PDE7B: variants seen among roughly 807,000 people sequenced by gnomAD.
PDE7B encodes phosphodiesterase 7B.
PDE7B carries 29 observed loss-of-function variants against 56.2 expected under a neutral mutation model. The observed-to-expected ratio is 0.52, with a 90% confidence interval of 0.38 to 0.70. The LOEUF (loss-of-function observed/expected upper bound fraction) is 0.70, where lower values mean the gene tolerates loss of function less well. Ranked by LOEUF, PDE7B falls within the 30% of genes least tolerant of loss-of-function variation. PDE7B has a pLI of 0.00. For missense variants in PDE7B, 490 were observed against 565.0 expected (o/e 0.87, Z 1.35); for synonymous variants, 197 against 196.9 (o/e 1.00, Z 0.00).
intron 1 of PDE7B, among the ~76,000 whole-genome samples, chr6:135,881,544 C>T (rs961825041): frequency 6.6e-6 from 1 of 152,012 alleles, no homozygotes; most frequent in Non-Finnish European, 1.5e-5. Flanking sequence ...TTGGAGTCTG[C>T]ATGCTAATAG....
intron 2 of PDE7B, among the ~76,000 whole-genome samples, chr6:136,025,498 G>A (rs1044250041): frequency 1.3e-4 from 20 of 152,156 alleles, no homozygotes; most frequent in African/African-American, 4.1e-4. Context: ...AACGAGGAAT[G>A]CAAAAAGTAG....
chr6:136,059,069 A>C (rs2128212331), intron 2 of PDE7B, among the ~76,000 whole-genome samples: 1 of 152,316 alleles, frequency 6.6e-6, no homozygotes, highest in South Asian at 2.1e-4. Flanking sequence ...GTGTGTTGAC[A>C]GGTCAAGTTG....
At chr6:135,954,599 G>A (rs894658043) in intron 2 of PDE7B, among the ~76,000 whole-genome samples, 2 of 152,154 alleles carry the variant, frequency 1.3e-5, no homozygotes, top group African/African-American at 4.8e-5. Context: ...TACTCTGAAA[G>A]TTGATATAAT....
At position 136,191,869 on chromosome 6, in the gene PDE7B, C is replaced by T; in HGVS notation, c.*29C>T. The T allele has an allele frequency of 6.6e-7, 1 of 1,514,554 alleles. No homozygotes were observed. The highest frequency in any genetic ancestry group is 2.5e-5 in the East Asian group (1 of 40,710). The allele number at this position is 1,514,554 out of a possible 1,614,324, so 93.8% of individuals were successfully genotyped here. ...CCGGCCCAACTTAGACGCGGCTCTC[C>T]TCCGGCAGGGCCCCCAGAGGGCAGA... On this transcript the variant is annotated 3_prime_UTR_variant, in exon 13 of 13. Transcript: ENST00000308191.
At chr6:136,109,657 T>TCC (rs1237837903) in intron 3 of PDE7B, among the ~76,000 whole-genome samples, 1 of 152,172 alleles carries the variant, frequency 6.6e-6, no homozygotes, top group African/African-American at 2.4e-5. Context: ...TACCTTCCCC[T>TCC]CCCTAAACTG....
intron 12 of PDE7B, among the ~76,000 whole-genome samples, chr6:136,190,496 C>T (rs779189921): frequency 1.3e-5 from 2 of 152,118 alleles, no homozygotes; most frequent in Non-Finnish European, 2.9e-5. Context: ...TGTAAACATA[C>T]AGGATTAGTG....
chr6:136,077,294 A>G (rs1777141253), intron 2 of PDE7B, among the ~76,000 whole-genome samples: 1 of 152,222 alleles, frequency 6.6e-6, no homozygotes, highest in African/African-American at 2.4e-5. Context: ...TCAAACACAC[A>G]GAAGAGTGAG....
chr6:135,926,917 C>A (rs937697848), intron 1 of PDE7B, among the ~76,000 whole-genome samples: 1 of 152,062 alleles, frequency 6.6e-6, no homozygotes, highest in South Asian at 2.1e-4. Context: ...TTTATGAATT[C>A]TTTGAATTAA....
At chr6:135,883,218 T>A (rs1775641768) in intron 1 of PDE7B, among the ~76,000 whole-genome samples, 1 of 152,176 alleles carries the variant, frequency 6.6e-6, no homozygotes, top group Non-Finnish European at 1.5e-5. Context: ...AAAATCCCCC[T>A]AAAGCCTGTT....
At chr6:136,029,932 G>A (rs543007780) in intron 2 of PDE7B, among the ~76,000 whole-genome samples, 1 of 152,294 alleles carries the variant, frequency 6.6e-6, no homozygotes, top group African/African-American at 2.4e-5. Context: ...CATACTACAT[G>A]TTAAATGGCC....
chr6:135,897,352 AT>A (rs59598029), intron 1 of PDE7B, among the ~76,000 whole-genome samples: 7,350 of 151,912 alleles, frequency 0.048, 584 homozygotes, highest in African/African-American at 0.17. Context: ...TAACTTTCAC[AT>A]TTTTTTGAGA....
At chr6:136,093,024 T>C (rs1777415473) in intron 2 of PDE7B, among the ~76,000 whole-genome samples, 1 of 152,170 alleles carries the variant, frequency 6.6e-6, no homozygotes, top group Non-Finnish European at 1.5e-5. Context: ...TCACAAGGTA[T>C]ACATTCATCA....
chr6:135,863,615 A>T (rs1004578275), intron 1 of PDE7B, among the ~76,000 whole-genome samples: 2 of 151,854 alleles, frequency 1.3e-5, no homozygotes, highest in Non-Finnish European at 2.9e-5. Context: ...AAGGTTGAGA[A>T]TTCCTTATAA....
intron 2 of PDE7B, among the ~76,000 whole-genome samples, chr6:135,986,226 TC>T (rs1395202861): frequency 1.3e-5 from 2 of 152,228 alleles, no homozygotes; most frequent in Admixed American, 1.3e-4. Context: ...TACCAAAACA[TC>T]TTTGAAATGA....
intron 1 of PDE7B, among the ~76,000 whole-genome samples, chr6:135,921,533 T>C (rs1774080463): frequency 6.6e-6 from 1 of 152,198 alleles, no homozygotes; most frequent in Non-Finnish European, 1.5e-5. Flanking sequence ...TATTAAAATT[T>C]TCATAGCATA....
At chr6:135,944,056 G>A (rs1774552427) in intron 1 of PDE7B, among the ~76,000 whole-genome samples, 1 of 152,184 alleles carries the variant, frequency 6.6e-6, no homozygotes, top group Non-Finnish European at 1.5e-5. Context: ...ACAAGACAAA[G>A]ATAGAATCCC....
intron 1 of PDE7B, among the ~76,000 whole-genome samples, chr6:135,860,728 A>C (rs1775129689): frequency 6.6e-6 from 1 of 151,964 alleles, no homozygotes; most frequent in Non-Finnish European, 1.5e-5. Flanking sequence ...GTAAAACTTA[A>C]TGTTAGTGTA....
chr6:136,008,616 G>C (rs551358946), intron 2 of PDE7B, among the ~76,000 whole-genome samples: 1 of 152,262 alleles, frequency 6.6e-6, no homozygotes, highest in African/African-American at 2.4e-5. Flanking sequence ...GTGTCTTTTG[G>C]CTGCATAAAT....
At chr6:135,984,850 A>T (rs4075417) in intron 2 of PDE7B, among the ~76,000 whole-genome samples, 1 of 151,700 alleles carries the variant, frequency 6.6e-6, no homozygotes, top group African/African-American at 2.4e-5. Context: ...TGCACACGGG[A>T]AGAGCTCAGA....
Sources: allele counts gnomAD v4.1 joint callset (sites outside exome capture counted in the v4.1 genomes callset), GRCh38; gene constraint gnomAD v4.1.1; transcripts MANE v1.5; gene names NCBI Gene and HGNC (gene_info 2026-07-23, HGNC 2026-07-21).